TRIM42: variants seen among roughly 807,000 people sequenced by gnomAD.
The protein encoded by TRIM42 is tripartite motif-containing protein 42.
In TRIM42, 59 loss-of-function variants were observed where a neutral mutation model predicts 64.9. The ratio of observed to expected loss-of-function variants is 0.91; its 90% CI spans 0.74 to 1.13. TRIM42 has a LOEUF of 1.13. Ranked by LOEUF, TRIM42 falls within the 50% of genes most tolerant of loss-of-function variation. TRIM42 has a pLI of 0.00. For missense variants in TRIM42, 878 were observed against 929.5 expected (o/e 0.94, Z 0.72); for synonymous variants, 354 against 346.3 (o/e 1.02, Z -0.25).
In TRIM42 at chr3:140,682,900, C is replaced by G. The variant is rs866558651; in HGVS notation, c.780C>G (p.Asn260Lys). ...TCACCTGCCGCCTCAACCTGTGCAACGACTGCCTCAAGGCCTTCCACTCGG... is the reference window on the plus strand; with the variant it reads ...TCACCTGCCGCCTCAACCTGTGCAAGGACTGCCTCAAGGCCTTCCACTCGG... ...RCITCRLNLC[N>K]DCLKAFHSDV... The change falls in exon 2 of 5, where the codon AAC (asparagine) becomes AAG (lysine). Residue 260 changes from asparagine to lysine, a missense_variant. By Grantham distance (94) the Asn-to-Lys change is moderately conservative (BLOSUM62 0). Transcript: ENST00000286349. The G allele has an allele frequency of 1.2e-6, 2 of 1,614,232 alleles. No homozygotes were observed. The highest frequency in any genetic ancestry group is 1.6e-4 in the Middle Eastern group (1 of 6,062).
At chr3:140,685,722 G>GC (rs1424487752) in intron 2 of TRIM42, among the ~76,000 whole-genome samples, 1 of 152,134 alleles carries the variant, frequency 6.6e-6, no homozygotes, top group African/African-American at 2.4e-5. Context: ...GAGAGCCACA[G>GC]CTGAAGCAAT....
Position 140,698,543 on chromosome 3 carries a change from A to C in TRIM42, c.2086-2345A>C, listed in dbSNP as rs1004205373. Among the ~76,000 whole-genome samples, 7 of 152,194 alleles carry C rather than the reference A, an allele frequency of 4.6e-5. 1 individual carries two copies. Among genetic ancestry groups the C allele is most frequent in the African/African-American group, 1.7e-4 (7 of 41,462 alleles). On this transcript the variant is annotated intron_variant, in intron 4 of 4. Coordinates refer to ENST00000286349, the MANE Select transcript of TRIM42 (RefSeq NM_152616.5). ...ATAACTGTGAGATGGTGGGTATGCT[A>C]ATTTGCCTGCCTGTAGTAATTATTT...
At chr3:140,684,605 A>G (rs1988501437) in intron 2 of TRIM42, among the ~76,000 whole-genome samples, 6 of 152,206 alleles carry the variant, frequency 3.9e-5, no homozygotes, top group Admixed American at 3.9e-4. Context: ...CAGTAGCTTC[A>G]GGAATACCTT....
chr3:140,698,810 C>A, intron 4 of TRIM42, among the ~76,000 whole-genome samples: 1 of 152,058 alleles, frequency 6.6e-6, no homozygotes, highest in East Asian at 1.9e-4. Context: ...ATGATCCTAT[C>A]TCCTATAAAG....
At chr3:140,678,616 C>A in intron 1 of TRIM42, 46 bp downstream of exon 1, 1 of 1,504,424 alleles carries the variant, frequency 6.6e-7, no homozygotes. Flanking sequence ...GTCATGAAAA[C>A]TAGGGACCAC....
chr3:140,694,536 C>A (rs551145813), intron 4 of TRIM42, among the ~76,000 whole-genome samples: 1 of 152,330 alleles, frequency 6.6e-6, no homozygotes, highest in South Asian at 2.1e-4. Context: ...CTCCCTCTGA[C>A]TTTATATCTC....
At chr3:140,694,608 T>C (rs1332970691) in intron 4 of TRIM42, among the ~76,000 whole-genome samples, 1 of 152,240 alleles carries the variant, frequency 6.6e-6, no homozygotes, top group Non-Finnish European at 1.5e-5. Context: ...ATTAGTTTCC[T>C]ATTGTTGTTG....
chr3:140,694,450 C>T (rs1988799389), intron 4 of TRIM42, among the ~76,000 whole-genome samples: 1 of 152,210 alleles, frequency 6.6e-6, no homozygotes, highest in South Asian at 2.1e-4. Context: ...TTCCCCTGCT[C>T]TTCCTCTGGT....
intron 4 of TRIM42, among the ~76,000 whole-genome samples, chr3:140,695,965 T>G (rs193141792): frequency 2.0e-5 from 3 of 152,226 alleles, no homozygotes; most frequent in Non-Finnish European, 2.9e-5. Flanking sequence ...TGACCTTTCA[T>G]GTAAGCAGAA....
intron 1 of TRIM42, among the ~76,000 whole-genome samples, chr3:140,682,116 T>C (rs698672): frequency 0.3 from 46,262 of 152,016 alleles, 7,340 homozygotes; most frequent in East Asian, 0.47. Flanking sequence ...TGCTTTTCCT[T>C]TGCTTAATAA....
rs917650428 is a variant in TRIM42 at position 140,698,431 on chromosome 3, T to C, written c.2086-2457T>C. Reference sequence around the variant, plus strand: ...AACTAGATCATTTAGAGATCTAACGTACAGCATGAGGGCTACAGTTAATAA... The same window carrying C: ...AACTAGATCATTTAGAGATCTAACGCACAGCATGAGGGCTACAGTTAATAA... On this transcript the variant is annotated intron_variant, in intron 4 of 4. Coordinates refer to ENST00000286349, the MANE Select transcript of TRIM42 (RefSeq NM_152616.5). Among the ~76,000 whole-genome samples the C allele has an allele frequency of 5.1e-4, 78 of 152,302 alleles. 1 individual carries two copies. The highest frequency in any genetic ancestry group is 6.8e-3 in the Middle Eastern group (2 of 294).
chr3:140,682,480 C>T lies in TRIM42; in HGVS notation c.360C>T (p.Arg120=), dbSNP rs751398923. The T allele has an allele frequency of 6.2e-7, 1 of 1,613,896 alleles. No individual in the cohort carries two copies. Among genetic ancestry groups the T allele is most frequent in the Non-Finnish European group, 8.5e-7 (1 of 1,179,822 alleles). Residue 120 remains arginine (R), a synonymous_variant, in exon 2 of 5, where the codon CGC becomes CGT. Coordinates refer to ENST00000286349, the MANE Select transcript of TRIM42 (RefSeq NM_152616.5). ...SIHTSSKTAL[R]TGSSDTQVDE... ...CTTTCAGCTCCAAGACTGCCCTGCG[C>T]ACTGGGAGCAGCGATACCCAGGTGG... is the stretch of plus-strand genomic sequence containing the variant.
chr3:140,687,211 T>C (rs1988565660), intron 2 of TRIM42, among the ~76,000 whole-genome samples: 1 of 152,172 alleles, frequency 6.6e-6, no homozygotes. Flanking sequence ...GCCACCTCAA[T>C]GAAGGGAAGC....
chr3:140,682,459 C>A lies in TRIM42; in HGVS notation c.342-3C>A. On this transcript the variant is annotated splice_region_variant and splice_polypyrimidine_tract_variant and intron_variant, in intron 1 of 4. Transcript: ENST00000286349. ...GAAACCCTGCCTTTGCTTCTCCTTT[C>A]AGCTCCAAGACTGCCCTGCGCACTG... 1 of 1,608,220 alleles carries A rather than the reference C, an allele frequency of 6.2e-7. No homozygotes were observed. The highest frequency in any genetic ancestry group is 1.1e-5 in the South Asian group (1 of 90,610).
intron 4 of TRIM42, among the ~76,000 whole-genome samples, chr3:140,699,464 T>C (rs1332365918): frequency 6.6e-6 from 1 of 152,178 alleles, no homozygotes. Flanking sequence ...ATGTCAACTA[T>C]CATTTCAATT....
Position 140,683,061 on chromosome 3 carries a change from A to C in TRIM42, c.941A>C (p.Lys314Thr). 6.2e-7 allele frequency: 1 copy of C among 1,614,196 alleles called. No homozygotes were observed. The highest frequency in any genetic ancestry group is 8.5e-7 in the Non-Finnish European group (1 of 1,180,022). The stretch of plus-strand genomic sequence containing the variant: ...AACAAATTGCTCTGCACCTTCTGCA[A>C]GTTCTCTTTCCACAATGGCCACGAC... ...NDNKLLCTFC[K>T]FSFHNGHDTI... The change falls in exon 2 of 5, where the codon AAG becomes ACG. Residue 314 changes from lysine to threonine, a missense_variant. Physicochemically the swap from Lys to Thr is moderately conservative, Grantham distance 78 (BLOSUM62 -1). Coordinates refer to ENST00000286349, the MANE Select transcript of TRIM42 (RefSeq NM_152616.5).
rs1299615947 is a variant in TRIM42 at position 140,688,275 on chromosome 3, C to T, written c.1593C>T (p.His531=). The change falls in exon 3 of 5, where the codon CAC becomes CAT. Residue 531 remains histidine, a synonymous_variant. Transcript: ENST00000286349. ...GCACCCACAGCCTCGGCAACCAGCA[C>T]ATATACCAGCGAAGCTCCTCCATGT... ...TFSTHSLGNQ[H]IYQRSSSMLS... is the part of the protein sequence containing the mutation. 6.2e-7 allele frequency: 1 copy of T among 1,614,226 alleles called. No homozygotes were observed. The highest frequency in any genetic ancestry group is 8.5e-7 in the Non-Finnish European group (1 of 1,180,040).
At chr3:140,681,565 C>T (rs1988394931) in intron 1 of TRIM42, among the ~76,000 whole-genome samples, 1 of 152,004 alleles carries the variant, frequency 6.6e-6, no homozygotes, top group Non-Finnish European at 1.5e-5. Flanking sequence ...GTTGGCAGAT[C>T]ACACAGGTTC....
At chr3:140,700,699 G>A (rs970832678) in intron 4 of TRIM42, among the ~76,000 whole-genome samples, 189 bp from the exon 5 acceptor site, 1 of 152,200 alleles carries the variant, frequency 6.6e-6, no homozygotes, top group Non-Finnish European at 1.5e-5. Context: ...CTATAGCTGT[G>A]GGGCTTTGGG....
Sources: allele counts gnomAD v4.1 joint callset (sites outside exome capture counted in the v4.1 genomes callset), GRCh38; gene constraint gnomAD v4.1.1; transcripts MANE v1.5; gene names NCBI Gene and HGNC (gene_info 2026-07-23, HGNC 2026-07-21).